Variants in CDH2 observed in about 807,000 individuals in gnomAD.
CDH2 encodes the protein cadherin 2.
A neutral mutation model predicts 92.0 loss-of-function variants in CDH2; 17 were observed. The ratio of observed to expected loss-of-function variants is 0.18; its 90% CI spans 0.13 to 0.28. The LOEUF is 0.28. CDH2 is among the 10% of genes least tolerant of loss of function. The pLI, the probability that CDH2 is intolerant of heterozygous loss-of-function variation, is 1.00. For synonymous variants in CDH2, 419 were observed against 415.9 expected (o/e 1.01, Z -0.09); for missense variants, 862 against 1,133.1 (o/e 0.76, Z 3.44).
chr18:28,040,014 A>G (rs2013917665), intron 2 of CDH2, among the ~76,000 whole-genome samples: 1 of 152,238 alleles, frequency 6.6e-6, no homozygotes, highest in Non-Finnish European at 1.5e-5. Flanking sequence ...GACTAACTGA[A>G]CACAAATAAA....
intron 2 of CDH2, among the ~76,000 whole-genome samples, chr18:28,026,475 A>G (rs980763035): frequency 5.3e-5 from 8 of 152,150 alleles, no homozygotes; most frequent in African/African-American, 1.9e-4. Context: ...CCTTCCAGGG[A>G]TCACACCAGA....
intron 2 of CDH2, among the ~76,000 whole-genome samples, chr18:28,144,566 T>C (rs903507865): frequency 6.6e-6 from 1 of 151,724 alleles, no homozygotes; most frequent in Non-Finnish European, 1.5e-5. Context: ...CCCAAAAAAA[T>C]CCCTAAAGAA....
At chr18:28,087,149 G>C (rs1168473414) in intron 2 of CDH2, among the ~76,000 whole-genome samples, 1 of 152,176 alleles carries the variant, frequency 6.6e-6, no homozygotes, top group African/African-American at 2.4e-5. Flanking sequence ...TCTTTTGCCT[G>C]TTGATGAATT....
intron 9 of CDH2, among the ~76,000 whole-genome samples, chr18:27,991,728 T>C (rs1226804125): frequency 1.3e-5 from 2 of 152,234 alleles, no homozygotes; most frequent in African/African-American, 4.8e-5. Flanking sequence ...TTGGTGCTTT[T>C]GATCACTATG....
chr18:28,131,894 A>G (rs2015777965), intron 2 of CDH2, among the ~76,000 whole-genome samples: 1 of 152,184 alleles, frequency 6.6e-6, no homozygotes. Flanking sequence ...ATTTCTCAAT[A>G]AACATCCAAA....
chr18:28,130,226 T>G (rs529947429), intron 2 of CDH2, among the ~76,000 whole-genome samples: 2 of 152,322 alleles, frequency 1.3e-5, no homozygotes, highest in African/African-American at 4.8e-5. Context: ...GAGCAAGTCC[T>G]GGCTGGTCAT....
Position 27,951,198 on chromosome 18 carries a change from T to G in CDH2, c.*955A>C, listed in dbSNP as rs1909426550. 6.6e-6 allele frequency: 1 copy of G among 151,092 alleles called. No homozygotes were observed. The highest frequency in any genetic ancestry group is 2.4e-5 in the African/African-American group (1 of 41,088). The allele number at this position is 151,092 out of a possible 1,614,324, so 9.4% of individuals were successfully genotyped here. A position where few individuals can be genotyped will look rare whatever the true frequency, so the allele number is the denominator to read the frequency against. On this transcript the variant is annotated 3_prime_UTR_variant, in exon 16 of 16. Coordinates refer to ENST00000269141, the MANE Select transcript of CDH2 (RefSeq NM_001792.5). ...TTTTGGTACAAATTATGTAAAACAT[T>G]TGTGCTAAGAACTTTTCTCCCTCCC...
intron 2 of CDH2, among the ~76,000 whole-genome samples, chr18:28,137,765 A>G (rs2015888042): frequency 6.6e-6 from 1 of 152,062 alleles, no homozygotes; most frequent in African/African-American, 2.4e-5. Context: ...CATTCTTAGA[A>G]ATATATAATT....
intron 2 of CDH2, among the ~76,000 whole-genome samples, chr18:28,091,659 C>T (rs1196225168): frequency 6.6e-6 from 1 of 152,172 alleles, no homozygotes; most frequent in African/African-American, 2.4e-5. Flanking sequence ...GAAGCTACCA[C>T]TGGAAAATTA....
At chr18:27,997,696 C>A (rs965654277) in intron 7 of CDH2, among the ~76,000 whole-genome samples, 2 of 152,040 alleles carry the variant, frequency 1.3e-5, no homozygotes, top group African/African-American at 4.8e-5. Context: ...TCATAAATCA[C>A]GGGTTTCAGG....
chr18:27,958,469 A>G (rs1883611417), intron 15 of CDH2, among the ~76,000 whole-genome samples: 1 of 150,504 alleles, frequency 6.6e-6, no homozygotes, highest in South Asian at 2.1e-4. Flanking sequence ...ATCTCTTTAT[A>G]TATGTATGTT....
chr18:27,999,015 A>ACT (rs1653664981), intron 7 of CDH2, among the ~76,000 whole-genome samples: 1 of 152,224 alleles, frequency 6.6e-6, no homozygotes, highest in East Asian at 1.9e-4. Context: ...ATCCAGATAT[A>ACT]CTTTCTGTGT....
chr18:27,953,799 C>A (rs867449071), intron 15 of CDH2, among the ~76,000 whole-genome samples: 4 of 152,068 alleles, frequency 2.6e-5, no homozygotes, highest in Admixed American at 2.0e-4. Context: ...AGACCAAATG[C>A]AATAAAGGGA....
chr18:28,161,377 G>C (rs1213151273), intron 1 of CDH2, among the ~76,000 whole-genome samples: 1 of 151,942 alleles, frequency 6.6e-6, no homozygotes, highest in Non-Finnish European at 1.5e-5. Context: ...TCAGGAGTTC[G>C]AGACCAGCCT....
intron 15 of CDH2, among the ~76,000 whole-genome samples, chr18:27,961,876 G>A (rs1006530823): frequency 3.0e-4 from 45 of 152,000 alleles, no homozygotes; most frequent in African/African-American, 9.2e-4. Flanking sequence ...GAGGCAGGAG[G>A]ATCATTTGAG....
At chr18:28,112,996 G>T (rs1037195609) in intron 2 of CDH2, among the ~76,000 whole-genome samples, 1 of 152,076 alleles carries the variant, frequency 6.6e-6, no homozygotes, top group African/African-American at 2.4e-5. Flanking sequence ...ATGCCAGGGG[G>T]GTAGGTAAAT....
chr18:27,937,736 T>C (rs1463435424), intron 6 of CDH2, among the ~76,000 whole-genome samples: 2 of 152,234 alleles, frequency 1.3e-5, no homozygotes, highest in Admixed American at 1.3e-4. Flanking sequence ...TTCTTCGACA[T>C]AAATTGAACT....
intron 1 of CDH2, among the ~76,000 whole-genome samples, chr18:28,175,052 T>C (rs1233163420): frequency 2.0e-5 from 3 of 152,246 alleles, no homozygotes; most frequent in South Asian, 2.1e-4. Context: ...CTTTTTTCCT[T>C]CTTCCTCCTT....
chr18:28,034,941 T>C (rs1489665425), intron 2 of CDH2, among the ~76,000 whole-genome samples: 2 of 152,072 alleles, frequency 1.3e-5, no homozygotes, highest in African/African-American at 4.8e-5. Context: ...TTCTTTAAAA[T>C]AGTTTTTTGG....
Sources: allele counts gnomAD v4.1 joint callset (sites outside exome capture counted in the v4.1 genomes callset), GRCh38; gene constraint gnomAD v4.1.1; transcripts MANE v1.5; gene names NCBI Gene and HGNC (gene_info 2026-07-23, HGNC 2026-07-21).